The following PSG6 variants were observed in gnomAD, a reference collection of about 807,000 sequenced individuals.
PSG6 encodes pregnancy specific beta-1-glycoprotein 6, also known as pregnancy-specific beta-1-glycoprotein 6.
In PSG6, 51 loss-of-function variants were observed where a neutral mutation model predicts 43.3. The ratio of observed to expected loss-of-function variants is 1.18; its 90% CI spans 0.94 to 1.49. PSG6 has a LOEUF of 1.49. PSG6 is among the 40% of genes most tolerant of loss of function. The pLI is 0.00. For synonymous variants in PSG6, 292 were observed against 197.6 expected, an observed-to-expected ratio of 1.48 and a Z score of -4.01; for missense variants, 770 against 522.2, an observed-to-expected ratio of 1.47 and a Z score of -4.62.
At chr19:42,912,996 A>C (rs1972257076) in intron 2 of PSG6, among the ~76,000 whole-genome samples, 1 of 151,694 alleles carries the variant, frequency 6.6e-6, no homozygotes, top group Admixed American at 6.6e-5. Context: ...AAAATATTAA[A>C]TATGAAGTTG....
intron 4 of PSG6, 26 bp downstream of exon 4, chr19:42,907,550 C>T (rs767438804): frequency 2.5e-6 from 4 of 1,610,168 alleles, no homozygotes; most frequent in Non-Finnish European, 3.4e-6. Flanking sequence ...GGTGTCCTGG[C>T]CCACAGAGGA....
Position 42,912,357 on chromosome 19 carries a change from G to A in PSG6, c.428-1499C>T, listed in dbSNP as rs919289300. On this transcript the variant is annotated intron_variant, in intron 2 of 5. Transcript: ENST00000187910. ...GTTTTCATAAGTGGAAATTTTTACT[G>A]ATGGTCCAAACATCTAAGATCAATT... Among the ~76,000 whole-genome samples the A allele has an allele frequency of 1.7e-4, 26 of 151,808 alleles. 2 individuals are homozygous for A. The highest frequency in any genetic ancestry group is 1.1e-3 in the South Asian group (5 of 4,742).
At chr19:42,904,572 T>G (rs1972083704) in intron 5 of PSG6, among the ~76,000 whole-genome samples, 1 of 151,686 alleles carries the variant, frequency 6.6e-6, no homozygotes, top group Non-Finnish European at 1.5e-5. Context: ...TATTTAGGAA[T>G]AAGTTTAACC....
At chr19:42,908,991 TAGTTCAC>T (rs1379450767) in intron 3 of PSG6, among the ~76,000 whole-genome samples, 3 of 151,654 alleles carry the variant, frequency 2.0e-5, no homozygotes, top group Admixed American at 6.6e-5. Flanking sequence ...TTGATGCCTA[TAGTTCAC>T]ACAGATTATC....
At chr19:42,902,555 C>A (rs1013542660) in intron 5 of PSG6, 109 bp from the exon 6 acceptor site, 2 of 1,458,504 alleles carry the variant, frequency 1.4e-6, no homozygotes, top group Non-Finnish European at 1.9e-6. Flanking sequence ...AAGTCTAGTT[C>A]TCCGAGGCTC....
At position 42,910,657 on chromosome 19, in the gene PSG6, A is replaced by G. The variant is rs1065512; in HGVS notation, c.629T>C (p.Ile210Thr). 2,534 of 1,612,344 alleles carry G rather than the reference A, an allele frequency of 1.6e-3. 56 individuals are homozygous for G. The highest frequency in any genetic ancestry group is 2.0e-3 in the Non-Finnish European group (2,385 of 1,179,244). Residue 210 changes from isoleucine to threonine, a missense_variant, in exon 3 of 6, where the codon ATT (isoleucine) becomes ACT (threonine). Transcript: ENST00000187910. ...TATTTCACATTCATAGGGTCCTGCA[A>G]TATACTTTGTGACACCAAATAGATA... ...TLYLFGVTKYIAGPYECEIRN... is the reference protein window; with the variant it reads ...TLYLFGVTKYTAGPYECEIRN...
chr19:42,916,034 A>G (rs1270536359), intron 2 of PSG6, 91 bp downstream of exon 2: 1 of 1,581,266 alleles, frequency 6.3e-7, no homozygotes. Context: ...AGAGAGTGAC[A>G]CAGGCAGAGT....
chr19:42,903,504 A>T, intron 5 of PSG6: 1 of 1,093,126 alleles, frequency 9.1e-7, no homozygotes, highest in East Asian at 3.0e-5. Context: ...TGAAACCAAA[A>T]GTTGATTCTT....
At chr19:42,906,895 T>C (rs755298825) in intron 5 of PSG6, 27 bp downstream of exon 5, 4 of 1,612,116 alleles carry the variant, frequency 2.5e-6, no homozygotes, top group Non-Finnish European at 3.4e-6. Context: ...TAAAACCCTA[T>C]TGCCAAGGAT....
rs769666543 is a variant in PSG6 at position 42,907,525 on chromosome 19, G to A, written c.985+51C>T. 1.6e-5 allele frequency: 25 copies of A among 1,605,352 alleles called. 3 individuals carry two copies. Among genetic ancestry groups the A allele is most frequent in the Middle Eastern group, 3.9e-4 (2 of 5,146 alleles). ...AGACTGAGAGGCCTGGCCTCTGGTC[G>A]TTTGGAGTTAAGCTGGTGTCCTGGC... On this transcript the variant is annotated intron_variant, in intron 4 of 5. Transcript: ENST00000187910.
chr19:42,902,710 T>C (rs1972053833), intron 5 of PSG6, among the ~76,000 whole-genome samples: 1 of 151,560 alleles, frequency 6.6e-6, no homozygotes, highest in African/African-American at 2.4e-5. Context: ...TCTCCCATAC[T>C]ACCTTCATGC....
At chr19:42,911,123 C>G (rs1972216624) in intron 2 of PSG6, among the ~76,000 whole-genome samples, 1 of 151,586 alleles carries the variant, frequency 6.6e-6, no homozygotes, top group South Asian at 2.1e-4. Context: ...ACAGGACCAG[C>G]AGTCACAGCC....
At chr19:42,917,680 G>A (rs1250379094) in intron 1 of PSG6, 49 bp downstream of exon 1, 3 of 1,601,912 alleles carry the variant, frequency 1.9e-6, no homozygotes, top group Non-Finnish European at 2.6e-6. Flanking sequence ...ACCCCATCCA[G>A]TCACTCTGCT....
At chr19:42,904,872 C>T (rs1240124825) in intron 5 of PSG6, among the ~76,000 whole-genome samples, 1 of 151,706 alleles carries the variant, frequency 6.6e-6, no homozygotes, top group Admixed American at 6.6e-5. Context: ...ACTCACACTT[C>T]CTGATTTCAG....
chr19:42,904,041 C>T (rs1972076011), intron 5 of PSG6, among the ~76,000 whole-genome samples: 1 of 151,566 alleles, frequency 6.6e-6, no homozygotes, highest in South Asian at 2.1e-4. Context: ...TAGAAACACA[C>T]AAAAATATGA....
intron 5 of PSG6, chr19:42,903,725 C>CAAAAA: frequency 2.2e-6 from 3 of 1,377,628 alleles, no homozygotes; most frequent in East Asian, 2.8e-5. Context: ...GCTGTCTCTA[C>CAAAAA]AAAAAAAAAA....
At chr19:42,905,403 A>T (rs989618618) in intron 5 of PSG6, among the ~76,000 whole-genome samples, 1 of 151,704 alleles carries the variant, frequency 6.6e-6, no homozygotes, top group African/African-American at 2.4e-5. Context: ...AACAACAACA[A>T]TGACAGCAAC....
intron 2 of PSG6, among the ~76,000 whole-genome samples, chr19:42,914,370 A>G (rs1338333888): frequency 6.6e-6 from 1 of 150,934 alleles, no homozygotes. Context: ...GGGTTGGAGG[A>G]AGAAGCTGTG....
In PSG6 at chr19:42,917,188, G is replaced by A. The variant is rs187267439; in HGVS notation, c.64+541C>T. Among the ~76,000 whole-genome samples the A allele has an allele frequency of 3.4e-4, 51 of 151,254 alleles. 2 individuals carry two copies. The highest frequency in any genetic ancestry group is 1.6e-3 in the Admixed American group (24 of 15,156). ...AGTCATTATTATCATTTTTCAAAAT[G>A]TGGTGGCCCCTGATGATTAATCAGG... is the stretch of plus-strand genomic sequence containing the variant. On this transcript the variant is annotated intron_variant, in intron 1 of 5. Transcript: ENST00000187910.
Sources: gnomAD v4.1 joint callset for allele counts (sites outside exome capture counted in the v4.1 genomes callset) on GRCh38, gnomAD v4.1.1 for gene constraint, MANE v1.5 for transcripts, NCBI Gene and HGNC (gene_info 2026-07-23, HGNC 2026-07-21) for gene names.